Variants in CLSTN2 observed in about 807,000 individuals in gnomAD.
CLSTN2 encodes the protein calsyntenin 2.
CLSTN2 carries 48 observed loss-of-function variants against 101.2 expected under a neutral mutation model. The ratio of observed to expected loss-of-function variants is 0.47; its 90% CI spans 0.38 to 0.60. The LOEUF (loss-of-function observed/expected upper bound fraction) is 0.60, where lower values mean the gene tolerates loss of function less well. CLSTN2 is among the 20% of genes least tolerant of loss of function. CLSTN2 has a pLI of 0.00. For synonymous variants in CLSTN2, 481 were observed against 463.6 expected (o/e 1.04, Z -0.48); for missense variants, 1,160 against 1,238.2 (o/e 0.94, Z 0.95).
intron 1 of CLSTN2, among the ~76,000 whole-genome samples, chr3:140,094,511 A>G (rs913696389): frequency 6.6e-6 from 1 of 152,164 alleles, no homozygotes; most frequent in Non-Finnish European, 1.5e-5. Context: ...CATCAATTCC[A>G]TGTATTCAAG....
chr3:140,006,860 G>T (rs558959138), intron 1 of CLSTN2, among the ~76,000 whole-genome samples: 2 of 152,160 alleles, frequency 1.3e-5, no homozygotes, highest in Non-Finnish European at 2.9e-5. Flanking sequence ...AGGATGAAAT[G>T]AGGGAGGCGC....
intron 1 of CLSTN2, among the ~76,000 whole-genome samples, chr3:139,955,687 T>C (rs1383790002): frequency 6.2e-5 from 1 of 16,242 alleles, no homozygotes; most frequent in Non-Finnish European, 2.3e-4. Context: ...GCCCTTCTCA[T>C]CTCAGATGTG....
chr3:139,957,076 A>G (rs535660437), intron 1 of CLSTN2, among the ~76,000 whole-genome samples: 1 of 152,304 alleles, frequency 6.6e-6, no homozygotes, highest in South Asian at 2.1e-4. Context: ...TTAAATGATG[A>G]TGCTGTACAG....
intron 6 of CLSTN2, among the ~76,000 whole-genome samples, chr3:140,457,647 C>G (rs753959560): frequency 1.3e-5 from 2 of 152,146 alleles, no homozygotes; most frequent in Non-Finnish European, 2.9e-5. Flanking sequence ...GGGGTGAGAA[C>G]AGGTAAGTGT....
intron 1 of CLSTN2, among the ~76,000 whole-genome samples, chr3:140,022,470 A>G (rs554207561): frequency 6.6e-6 from 1 of 152,320 alleles, no homozygotes; most frequent in South Asian, 2.1e-4. Flanking sequence ...CCACTGAACC[A>G]AGGAATAGGG....
chr3:140,019,522 T>G (rs887131969), intron 1 of CLSTN2, among the ~76,000 whole-genome samples: 13 of 152,250 alleles, frequency 8.5e-5, no homozygotes, highest in African/African-American at 2.7e-4. Flanking sequence ...TTTTATTGGT[T>G]CTGTTTCTCT....
chr3:140,432,438 A>G (rs1455925703), intron 5 of CLSTN2, among the ~76,000 whole-genome samples: 1 of 152,166 alleles, frequency 6.6e-6, no homozygotes, highest in Non-Finnish European at 1.5e-5. Context: ...TTGAGGCCTG[A>G]ATTCCACTGA....
intron 1 of CLSTN2, among the ~76,000 whole-genome samples, chr3:139,987,690 G>A (rs961699378): frequency 6.6e-6 from 1 of 152,220 alleles, no homozygotes; most frequent in Non-Finnish European, 1.5e-5. Flanking sequence ...ACCTCAGGTA[G>A]TAGGAGGTTG....
intron 10 of CLSTN2, among the ~76,000 whole-genome samples, chr3:140,550,845 G>A (rs1311300049): frequency 6.7e-6 from 1 of 149,000 alleles, no homozygotes; most frequent in Admixed American, 6.6e-5. Context: ...ACCAAGCTTG[G>A]TTATAAAGGC....
rs79832909 is a variant in CLSTN2 at position 140,300,836 on chromosome 3, T to G, written c.233-102793T>G. Among the ~76,000 whole-genome samples, 784 of 152,226 alleles carry G rather than the reference T, an allele frequency of 5.2e-3. 6 individuals are homozygous for G. Among genetic ancestry groups the G allele is most frequent in the Non-Finnish European group, 8.9e-3 (606 of 68,010 alleles). On this transcript the variant is annotated intron_variant, in intron 2 of 16. Transcript: ENST00000458420. ...TATATGCATACATAAAGAGATTTAC[T>G]ATGAAGAACTGACTTACACAATTAT...
intron 2 of CLSTN2, among the ~76,000 whole-genome samples, chr3:140,335,595 G>C (rs774521982): frequency 2.0e-5 from 3 of 149,208 alleles, no homozygotes; most frequent in Non-Finnish European, 4.4e-5. Context: ...ATAAAAGACA[G>C]CTAGGGTTTC....
chr3:140,287,637 T>C (rs1317721890), intron 2 of CLSTN2, among the ~76,000 whole-genome samples: 2 of 152,202 alleles, frequency 1.3e-5, no homozygotes, highest in East Asian at 3.8e-4. Flanking sequence ...TAGTTTTTTT[T>C]CCTAAGGAAA....
intron 2 of CLSTN2, among the ~76,000 whole-genome samples, chr3:140,380,301 G>A (rs1353492960): frequency 6.6e-6 from 1 of 152,180 alleles, no homozygotes; most frequent in Non-Finnish European, 1.5e-5. Flanking sequence ...GGGAGGCAGG[G>A]CTTCTACTAT....
At chr3:140,404,278 T>C (rs867196568) in intron 3 of CLSTN2, among the ~76,000 whole-genome samples, 1 of 152,114 alleles carries the variant, frequency 6.6e-6, no homozygotes. Flanking sequence ...AGTGGATGAA[T>C]AGAGGGAGGA....
Position 140,569,595 on chromosome 3 carries a change from G to A in CLSTN2, c.*3342G>A, listed in dbSNP as rs1229353678. ...ATCATCATACATTTGATCAAATGCT[G>A]TAAGCACAGCCAAGGCCCAAATTCA... is the stretch of plus-strand genomic sequence containing the variant. On this transcript the variant is annotated 3_prime_UTR_variant, in exon 17 of 17. Coordinates refer to ENST00000458420, the MANE Select transcript of CLSTN2 (RefSeq NM_022131.3). 1 of 152,222 alleles carries A rather than the reference G, an allele frequency of 6.6e-6. No individual in the cohort carries two copies. The highest frequency in any genetic ancestry group is 1.5e-5 in the Non-Finnish European group (1 of 68,054). The allele number at this position is 152,222 out of a possible 1,614,324, so 9.4% of individuals were successfully genotyped here. A position where few individuals can be genotyped will look rare whatever the true frequency, so the allele number is the denominator to read the frequency against.
intron 8 of CLSTN2, among the ~76,000 whole-genome samples, chr3:140,476,250 A>T (rs747282687): frequency 4.9e-4 from 75 of 152,358 alleles, no homozygotes; most frequent in Middle Eastern, 3.4e-3. Context: ...CTTGGGAGAC[A>T]TGATGCAAAG....
At chr3:140,222,003 G>A (rs2107853390) in intron 2 of CLSTN2, among the ~76,000 whole-genome samples, 1 of 152,124 alleles carries the variant, frequency 6.6e-6, no homozygotes, top group East Asian at 1.9e-4. Flanking sequence ...GTATATCAGA[G>A]AGATGTCTGT....
intron 2 of CLSTN2, among the ~76,000 whole-genome samples, chr3:140,343,409 C>T (rs78772965): frequency 6.6e-6 from 1 of 152,330 alleles, no homozygotes; most frequent in East Asian, 1.9e-4. Flanking sequence ...AACCACAACA[C>T]TGGTTACCAT....
intron 2 of CLSTN2, among the ~76,000 whole-genome samples, chr3:140,277,692 T>C (rs570009049): frequency 9.7e-4 from 148 of 152,280 alleles, no homozygotes; most frequent in Middle Eastern, 3.4e-3. Context: ...AAAATATACT[T>C]TGCCACTTAA....
Sources: gnomAD v4.1 joint callset for allele counts (sites outside exome capture counted in the v4.1 genomes callset) on GRCh38, gnomAD v4.1.1 for gene constraint, MANE v1.5 for transcripts, NCBI Gene and HGNC (gene_info 2026-07-23, HGNC 2026-07-21) for gene names.